XKR4: variants seen among roughly 807,000 people sequenced by gnomAD.
The protein encoded by XKR4 is XK related 4, also known as XK-related protein 4.
Under a neutral mutation model 53.9 loss-of-function variants are expected in XKR4, and 12 were observed. That is an observed-to-expected ratio of 0.22 (90% confidence interval 0.14 to 0.36). The LOEUF is 0.36. Among genes scored for constraint, XKR4 ranks in the 10% least tolerant of loss-of-function variants. The pLI is 1.00. For missense variants in XKR4, 799 were observed against 859.5 expected (o/e 0.93, Z 0.88); for synonymous variants, 354 against 362.4 (o/e 0.98, Z 0.26).
At chr8:55,221,358 G>A (rs1178717480) in intron 1 of XKR4, among the ~76,000 whole-genome samples, 2 of 152,192 alleles carry the variant, frequency 1.3e-5, no homozygotes, top group East Asian at 1.9e-4. Flanking sequence ...GACAGTCTTT[G>A]TCGCTAAGAA....
At chr8:55,398,310 C>T (rs1272098596) in intron 2 of XKR4, among the ~76,000 whole-genome samples, 5 of 152,314 alleles carry the variant, frequency 3.3e-5, no homozygotes, top group Non-Finnish European at 5.9e-5. Flanking sequence ...CGCCATGCAC[C>T]TTTGCCCCAT....
intron 2 of XKR4, among the ~76,000 whole-genome samples, chr8:55,498,361 C>T (rs921574609): frequency 2.6e-5 from 4 of 152,186 alleles, no homozygotes; most frequent in East Asian, 1.9e-4. Context: ...GGGTCAGGAT[C>T]GTGCATGTCC....
chr8:55,252,376 A>G (rs1424160769), intron 1 of XKR4, among the ~76,000 whole-genome samples: 1 of 152,208 alleles, frequency 6.6e-6, no homozygotes, highest in Non-Finnish European at 1.5e-5. Context: ...AAGGATCTCA[A>G]ACATGTACAC....
chr8:55,238,630 C>T (rs1400286039), intron 1 of XKR4, among the ~76,000 whole-genome samples: 1 of 152,126 alleles, frequency 6.6e-6, no homozygotes, highest in Non-Finnish European at 1.5e-5. Context: ...ATGGCCACAC[C>T]TAGCTGCAAG....
At chr8:55,446,724 G>A (rs557891465) in intron 2 of XKR4, among the ~76,000 whole-genome samples, 7 of 152,294 alleles carry the variant, frequency 4.6e-5, no homozygotes, top group African/African-American at 1.2e-4. Context: ...AGGGGACAGT[G>A]GCTTTATGTT....
At position 55,527,935 on chromosome 8, in the gene XKR4, A is replaced by T. The variant is rs373501084; in HGVS notation, c.*3708A>T. 1.5e-4 allele frequency: 23 copies of T among 152,172 alleles called. No homozygotes were observed. The highest frequency in any genetic ancestry group is 4.8e-4 in the African/African-American group (20 of 41,440). 9.4% of individuals were successfully genotyped at this position (152,172 alleles called of 1,614,324 possible). ...ACTCAATGGCTGTTTTTTAAAAATG[A>T]TATGTGCCTTTTAAGTGTGTTTGTG... On this transcript the variant is annotated 3_prime_UTR_variant, in exon 3 of 3. Transcript: ENST00000327381.
chr8:55,261,181 G>T (rs940250604), intron 1 of XKR4, among the ~76,000 whole-genome samples: 2 of 152,108 alleles, frequency 1.3e-5, no homozygotes, highest in African/African-American at 4.8e-5. Context: ...AGGAATCAGG[G>T]TGCCTGGGTT....
At chr8:55,113,607 T>G (rs931279381) in intron 1 of XKR4, among the ~76,000 whole-genome samples, 1 of 152,210 alleles carries the variant, frequency 6.6e-6, no homozygotes, top group Non-Finnish European at 1.5e-5. Flanking sequence ...ACTGGGTGCA[T>G]GTACAGTTGT....
intron 1 of XKR4, among the ~76,000 whole-genome samples, chr8:55,224,022 A>T (rs183887506): frequency 1.9e-3 from 289 of 152,308 alleles, no homozygotes; most frequent in Non-Finnish European, 3.2e-3. Context: ...ATTTAAACCT[A>T]TTTGTCTTAC....
At chr8:55,319,549 G>T (rs1586008807) in intron 1 of XKR4, among the ~76,000 whole-genome samples, 1 of 152,254 alleles carries the variant, frequency 6.6e-6, no homozygotes, top group Non-Finnish European at 1.5e-5. Flanking sequence ...TGATTCATGG[G>T]CAAGAAACTG....
intron 1 of XKR4, among the ~76,000 whole-genome samples, chr8:55,271,360 A>G (rs2129372578): frequency 6.6e-6 from 1 of 152,346 alleles, no homozygotes; most frequent in South Asian, 2.1e-4. Context: ...ACCCTAGGGG[A>G]AATAAAATCA....
chr8:55,521,335 T>G (rs930065352), intron 2 of XKR4, among the ~76,000 whole-genome samples: 3 of 152,258 alleles, frequency 2.0e-5, no homozygotes, highest in Non-Finnish European at 4.4e-5. Flanking sequence ...ATAGTCATTA[T>G]CCCATTACCT....
chr8:55,401,447 G>A (rs1804600566), intron 2 of XKR4, among the ~76,000 whole-genome samples: 1 of 152,248 alleles, frequency 6.6e-6, no homozygotes, highest in Non-Finnish European at 1.5e-5. Flanking sequence ...GACAAAGGGA[G>A]AGATGCAATC....
At chr8:55,303,141 G>A (rs1244938818) in intron 1 of XKR4, among the ~76,000 whole-genome samples, 1 of 152,148 alleles carries the variant, frequency 6.6e-6, no homozygotes, top group African/African-American at 2.4e-5. Context: ...GTTTGTCATA[G>A]ATAGATCTTA....
chr8:55,216,727 CAAA>C (rs35682640), intron 1 of XKR4, among the ~76,000 whole-genome samples: 2 of 101,088 alleles, frequency 2.0e-5, no homozygotes, highest in African/African-American at 4.8e-5. Context: ...AATTGCATCT[CAAA>C]AAAAAAAAAA....
intron 2 of XKR4, among the ~76,000 whole-genome samples, chr8:55,395,683 G>A (rs910009199): frequency 4.6e-5 from 7 of 152,100 alleles, no homozygotes; most frequent in African/African-American, 7.2e-5. Flanking sequence ...TGATGAGGAC[G>A]GAGAACAAGT....
intron 2 of XKR4, among the ~76,000 whole-genome samples, chr8:55,461,364 G>C (rs1805655090): frequency 1.3e-5 from 2 of 152,188 alleles, no homozygotes; most frequent in South Asian, 4.1e-4. Context: ...AGGCAAACAG[G>C]GTCTGGAGTG....
At chr8:55,466,894 A>G (rs1805782538) in intron 2 of XKR4, among the ~76,000 whole-genome samples, 1 of 152,158 alleles carries the variant, frequency 6.6e-6, no homozygotes, top group Non-Finnish European at 1.5e-5. Context: ...GGGCTAAGTT[A>G]TTTGATTAAA....
intron 1 of XKR4, among the ~76,000 whole-genome samples, chr8:55,307,497 A>G (rs1421186379): frequency 6.6e-6 from 1 of 152,086 alleles, no homozygotes; most frequent in Non-Finnish European, 1.5e-5. Context: ...ACAAACAATA[A>G]TTTTAAAAAT....
Sources: allele counts gnomAD v4.1 joint callset (sites outside exome capture counted in the v4.1 genomes callset), GRCh38; gene constraint gnomAD v4.1.1; transcripts MANE v1.5; gene names NCBI Gene and HGNC (gene_info 2026-07-23, HGNC 2026-07-21).